MAP3K20: variants seen among roughly 807,000 people sequenced by gnomAD.
MAP3K20 encodes the protein HCCS-4.
Under a neutral mutation model 85.7 loss-of-function variants are expected in MAP3K20, and 40 were observed. That is an observed-to-expected ratio of 0.47 (90% confidence interval 0.36 to 0.61). The LOEUF is 0.61. Ranked by LOEUF, MAP3K20 falls within the 20% of genes least tolerant of loss-of-function variation. The pLI is 0.00. For missense variants in MAP3K20, 817 were observed against 961.7 expected (o/e 0.85, Z 1.99); for synonymous variants, 325 against 327.7 (o/e 0.99, Z 0.09).
intron 12 of MAP3K20, among the ~76,000 whole-genome samples, chr2:173,231,026 A>C (rs974365631): frequency 1.3e-5 from 2 of 152,010 alleles, no homozygotes; most frequent in African/African-American, 4.8e-5. Context: ...GTTCTATAAA[A>C]CTCAGGGACT....
At chr2:173,227,855 C>T (rs1344605690) in intron 11 of MAP3K20, among the ~76,000 whole-genome samples, 1 of 151,986 alleles carries the variant, frequency 6.6e-6, no homozygotes, top group Admixed American at 6.6e-5. Context: ...TTGAACGAAC[C>T]AAAAAAGTTT....
chr2:173,104,318 C>T (rs546333280), intron 2 of MAP3K20, among the ~76,000 whole-genome samples: 2 of 152,122 alleles, frequency 1.3e-5, no homozygotes, highest in African/African-American at 4.8e-5. Flanking sequence ...TAACCCCAGT[C>T]TAGTCATGAG....
At chr2:173,121,596 C>T (rs1688291749) in intron 2 of MAP3K20, among the ~76,000 whole-genome samples, 1 of 151,930 alleles carries the variant, frequency 6.6e-6, no homozygotes, top group Non-Finnish European at 1.5e-5. Flanking sequence ...ACCGTGTTAG[C>T]CAGGATGGTC....
At chr2:173,181,964 G>C (rs1478924007) in intron 3 of MAP3K20, among the ~76,000 whole-genome samples, 2 of 152,006 alleles carry the variant, frequency 1.3e-5, no homozygotes, top group Admixed American at 6.6e-5. Flanking sequence ...GCTGAGGTGG[G>C]AGGATTGCTT....
At chr2:173,225,915 A>G in intron 11 of MAP3K20, 1 of 985,096 alleles carries the variant, frequency 1.0e-6, no homozygotes. Context: ...AATTAAAAAA[A>G]AAAAAGAAAA....
At chr2:173,204,565 G>A (rs954333224) in intron 9 of MAP3K20, among the ~76,000 whole-genome samples, 8 of 152,170 alleles carry the variant, frequency 5.3e-5, no homozygotes, top group Admixed American at 2.0e-4. Flanking sequence ...GAGCATGAAT[G>A]GCCCATATCC....
At chr2:173,215,234 A>T (rs1684036607) in intron 10 of MAP3K20, among the ~76,000 whole-genome samples, 1 of 152,186 alleles carries the variant, frequency 6.6e-6, no homozygotes, top group South Asian at 2.1e-4. Context: ...CGCTGTGTAG[A>T]TGCTGTCCCC....
chr2:173,266,218 A>G lies in MAP3K20; in HGVS notation c.1871A>G (p.Tyr624Cys), dbSNP rs1200234835. 1.9e-6 allele frequency: 3 copies of G among 1,614,100 alleles called. No homozygotes were observed. The highest frequency in any genetic ancestry group is 2.5e-6 in the Non-Finnish European group (3 of 1,180,004). ...AVRRPQVPIK[Y>C]QQITPVNQSR... ...AGACGGCCCCAGGTGCCCATTAAGT[A>G]TCAACAGATTACACCTGTGAACCAG... is the stretch of plus-strand genomic sequence containing the variant. Residue 624 changes from tyrosine (Y) to cysteine (C), a missense_variant, in exon 20 of 20, where the codon TAT (tyrosine) becomes TGT (cysteine). By Grantham distance (194) the Tyr-to-Cys change is radical (BLOSUM62 -2). Coordinates refer to ENST00000375213, the MANE Select transcript of MAP3K20 (RefSeq NM_016653.3).
chr2:173,109,979 C>T (rs1306863892), intron 2 of MAP3K20, among the ~76,000 whole-genome samples: 1 of 151,442 alleles, frequency 6.6e-6, no homozygotes, highest in Non-Finnish European at 1.5e-5. Context: ...TCTTTCTCAT[C>T]CTTCCTAGTA....
chr2:173,168,586 CAA>C (rs1026636246), intron 2 of MAP3K20, among the ~76,000 whole-genome samples: 15 of 152,092 alleles, frequency 9.9e-5, no homozygotes, highest in South Asian at 8.3e-4. Flanking sequence ...CCTTTCTGAC[CAA>C]AGTGTCTCCA....
chr2:173,189,246 C>T (rs997248248), intron 5 of MAP3K20, among the ~76,000 whole-genome samples: 6 of 152,114 alleles, frequency 3.9e-5, no homozygotes, highest in Non-Finnish European at 7.4e-5. Context: ...ATTTACATTT[C>T]TATTTGTAAA....
rs568941338 is a variant in MAP3K20, at chr2:173,176,452, T to A, written c.248-6402T>A. ...GAATGGAGTTATATTGGAGAAAATCTTCTATATTTTATTGTAATTAGATTA... is the reference window on the plus strand; with the variant it reads ...GAATGGAGTTATATTGGAGAAAATCATCTATATTTTATTGTAATTAGATTA... On this transcript the variant is annotated intron_variant, in intron 3 of 19. Transcript: ENST00000375213. Among the ~76,000 whole-genome samples, 6 of 152,220 alleles carry A rather than the reference T, an allele frequency of 3.9e-5. No individual in the cohort carries two copies. The East Asian group carries it at 1.2e-3, about 29-fold the overall frequency.
intron 1 of MAP3K20, among the ~76,000 whole-genome samples, chr2:173,081,165 A>G (rs1051972146): frequency 6.6e-6 from 1 of 151,728 alleles, no homozygotes; most frequent in Admixed American, 6.6e-5. Context: ...AAATCGATAC[A>G]GACACATATT....
At chr2:173,253,460 A>G (rs1685087564) in intron 16 of MAP3K20, among the ~76,000 whole-genome samples, 1 of 152,130 alleles carries the variant, frequency 6.6e-6, no homozygotes, top group Non-Finnish European at 1.5e-5. Context: ...ATCAAACTTT[A>G]AACTTGTGAT....
At chr2:173,097,933 T>C (rs912016495) in intron 2 of MAP3K20, among the ~76,000 whole-genome samples, 14 of 152,230 alleles carry the variant, frequency 9.2e-5, no homozygotes, top group Admixed American at 4.6e-4. Flanking sequence ...TTAAATGTTA[T>C]CACTTTATTA....
chr2:173,181,794 T>C (rs1690335737), intron 3 of MAP3K20, among the ~76,000 whole-genome samples: 1 of 151,238 alleles, frequency 6.6e-6, no homozygotes, highest in Non-Finnish European at 1.5e-5. Flanking sequence ...AAGCCTGTAA[T>C]CCCAGCACTT....
At chr2:173,169,984 T>C in intron 3 of MAP3K20, 92 bp downstream of exon 3, 1 of 1,160,166 alleles carries the variant, frequency 8.6e-7, no homozygotes, top group Non-Finnish European at 1.3e-6. Context: ...GGCTCAGTTA[T>C]GAATTGTGTG....
intron 18 of MAP3K20, among the ~76,000 whole-genome samples, chr2:173,262,896 T>G (rs1411935981): frequency 6.6e-6 from 1 of 152,206 alleles, no homozygotes; most frequent in South Asian, 2.1e-4. Flanking sequence ...ATCGGACAAT[T>G]AGAACAACCA....
intron 6 of MAP3K20, 40 bp downstream of exon 6, chr2:173,190,963 A>C (rs1227207338): frequency 6.2e-7 from 1 of 1,608,524 alleles, no homozygotes; most frequent in South Asian, 1.1e-5. Flanking sequence ...TGTTAATTTC[A>C]GATGTAGATT....
Sources: allele counts gnomAD v4.1 joint callset (sites outside exome capture counted in the v4.1 genomes callset), GRCh38; gene constraint gnomAD v4.1.1; transcripts MANE v1.5; gene names NCBI Gene and HGNC (gene_info 2026-07-23, HGNC 2026-07-21).